The following HEMK2 variants were observed in gnomAD, a reference collection of about 807,000 sequenced individuals.
The protein encoded by HEMK2 is methyltransferase HEMK2.
At chr21:28,664,102 T>C in the HEMK2 span, among the ~76,000 whole-genome samples, 1 of 152,182 alleles carries the variant, frequency 6.6e-6, no homozygotes, top group Non-Finnish European at 1.5e-5. Context: ...AAACTGGAAT[T>C]AGTTTTATAT....
At chr21:28,788,192 G>GTA in the HEMK2 span, among the ~76,000 whole-genome samples, 1 of 113,066 alleles carries the variant, frequency 8.8e-6, no homozygotes, top group African/African-American at 5.4e-5. Context: ...ACATATATAC[G>GTA]TATATACGTA....
At chr21:28,735,524 C>T in the HEMK2 span, among the ~76,000 whole-genome samples, 1 of 152,128 alleles carries the variant, frequency 6.6e-6, no homozygotes, top group Non-Finnish European at 1.5e-5. Context: ...AAGTTCTTCC[C>T]TACCATATAT....
At chr21:28,858,162 C>T in the HEMK2 span, among the ~76,000 whole-genome samples, 1 of 152,248 alleles carries the variant, frequency 6.6e-6, no homozygotes, top group East Asian at 1.9e-4. Context: ...ACTGCTTAAG[C>T]GGGGTTTATT....
At chr21:28,687,667 A>C in the HEMK2 span, among the ~76,000 whole-genome samples, 22 of 152,326 alleles carry the variant, frequency 1.4e-4, no homozygotes, top group Admixed American at 1.4e-3. Context: ...CATGTGATTG[A>C]GAAGGTAGAT....
chr21:28,821,348 T>TC, the HEMK2 span, among the ~76,000 whole-genome samples: 21 of 152,322 alleles, frequency 1.4e-4, no homozygotes, highest in African/African-American at 5.1e-4. Context: ...TTAACCTCTC[T>TC]GAGCCTCTAT....
chr21:28,754,388 C>T, the HEMK2 span, among the ~76,000 whole-genome samples: 2 of 152,170 alleles, frequency 1.3e-5, no homozygotes, highest in African/African-American at 4.8e-5. Flanking sequence ...AGTGTGTGTA[C>T]GTGTGAGGGT....
At chr21:28,710,442 A>T in the HEMK2 span, among the ~76,000 whole-genome samples, 1 of 152,340 alleles carries the variant, frequency 6.6e-6, no homozygotes, top group South Asian at 2.1e-4. Context: ...TCGTGATTTT[A>T]AAAAATGGTG....
chr21:28,668,846 T>C, the HEMK2 span, among the ~76,000 whole-genome samples: 1 of 152,204 alleles, frequency 6.6e-6, no homozygotes, highest in African/African-American at 2.4e-5. Flanking sequence ...CCCACAGTGA[T>C]TCTAATGTAA....
At chr21:28,636,038 A>C in the HEMK2 span, among the ~76,000 whole-genome samples, 160 of 152,292 alleles carry the variant, frequency 1.1e-3, no homozygotes, top group African/African-American at 3.2e-3. Context: ...TGAAGAAACT[A>C]GTAGAGACCC....
the HEMK2 span, among the ~76,000 whole-genome samples, chr21:28,839,034 G>T: frequency 7.9e-6 from 1 of 125,828 alleles, no homozygotes; most frequent in Non-Finnish European, 1.6e-5. Flanking sequence ...TGATAAAGTG[G>T]GTTTCATACC....
the HEMK2 span, among the ~76,000 whole-genome samples, chr21:28,803,252 T>C: frequency 6.6e-6 from 1 of 152,222 alleles, no homozygotes; most frequent in Non-Finnish European, 1.5e-5. Context: ...AACCTGAATA[T>C]ATACGGGTGC....
At chr21:28,755,182 T>C in the HEMK2 span, among the ~76,000 whole-genome samples, 1 of 152,140 alleles carries the variant, frequency 6.6e-6, no homozygotes, top group African/African-American at 2.4e-5. Context: ...ATGAGAAGGC[T>C]AATGGCACCT....
At chr21:28,870,777 T>C in the HEMK2 span, among the ~76,000 whole-genome samples, 265 of 152,330 alleles carry the variant, frequency 1.7e-3, 3 homozygotes, top group African/African-American at 6.2e-3. Context: ...TAAAATTTTA[T>C]TTTTGTTATT....
At chr21:28,799,635 C>A in the HEMK2 span, among the ~76,000 whole-genome samples, 1 of 152,146 alleles carries the variant, frequency 6.6e-6, no homozygotes, top group Non-Finnish European at 1.5e-5. Flanking sequence ...AACTTGGTTT[C>A]CTCCTATAAA....
chr21:28,752,824 A>G, the HEMK2 span, among the ~76,000 whole-genome samples: 1 of 152,302 alleles, frequency 6.6e-6, no homozygotes, highest in African/African-American at 2.4e-5. Flanking sequence ...TGTTGTTACA[A>G]TGCAAAGGGT....
the HEMK2 span, among the ~76,000 whole-genome samples, chr21:28,729,606 A>T: frequency 1.3e-5 from 2 of 149,272 alleles, no homozygotes; most frequent in South Asian, 4.2e-4. Context: ...CACGTACAAT[A>T]CACTAACACT....
the HEMK2 span, among the ~76,000 whole-genome samples, chr21:28,668,643 T>G: frequency 6.6e-6 from 1 of 152,176 alleles, no homozygotes; most frequent in African/African-American, 2.4e-5. Flanking sequence ...TGTGCTGGTA[T>G]GGTCGAGGGC....
chr21:28,708,268 C>A, the HEMK2 span, among the ~76,000 whole-genome samples: 1 of 151,550 alleles, frequency 6.6e-6, no homozygotes, highest in African/African-American at 2.4e-5. Flanking sequence ...CATGTGGAAA[C>A]TTAAAGATCT....
the HEMK2 span, chr21:28,882,037 T>A: frequency 1.7e-6 from 1 of 592,426 alleles, no homozygotes. Flanking sequence ...AACAAAGAAT[T>A]TACTTTGTAC....
Sources: gnomAD v4.1 joint callset for allele counts (sites outside exome capture counted in the v4.1 genomes callset) on GRCh38, gnomAD v4.1.1 for gene constraint, MANE v1.5 for transcripts, NCBI Gene and HGNC (gene_info 2026-07-23, HGNC 2026-07-21) for gene names.